Variants in PALM2AKAP2 observed in about 807,000 individuals in gnomAD.
PALM2AKAP2 encodes PALM2-AKAP2 fusion protein.
A neutral mutation model predicts 71.5 loss-of-function variants in PALM2AKAP2; 37 were observed. The ratio of observed to expected loss-of-function variants is 0.52; its 90% CI spans 0.40 to 0.68. The LOEUF is 0.68. Ranked by LOEUF, PALM2AKAP2 falls within the 30% of genes least tolerant of loss-of-function variation. The pLI is 0.00. For missense variants in PALM2AKAP2, 1,224 were observed against 1,191.8 expected (o/e 1.03, Z -0.40); for synonymous variants, 468 against 478.8 (o/e 0.98, Z 0.29).
At chr9:109,954,017 A>C (rs564183120) in intron 6 of PALM2AKAP2, among the ~76,000 whole-genome samples, 4 of 152,082 alleles carry the variant, frequency 2.6e-5, no homozygotes, top group Non-Finnish European at 5.9e-5. Context: ...GGAGGCTGGG[A>C]GGCATCTCTG....
At chr9:110,009,387 A>G (rs1832837541) in intron 6 of PALM2AKAP2, among the ~76,000 whole-genome samples, 1 of 152,114 alleles carries the variant, frequency 6.6e-6, no homozygotes, top group Non-Finnish European at 1.5e-5. Context: ...TGACGCCTTC[A>G]TTGTTTACTG....
chr9:109,694,445 T>C (rs1827939462), intron 1 of PALM2AKAP2, among the ~76,000 whole-genome samples: 2 of 152,040 alleles, frequency 1.3e-5, no homozygotes, highest in African/African-American at 4.8e-5. Context: ...CACTATAAAA[T>C]GTAATGTAAA....
intron 3 of PALM2AKAP2, among the ~76,000 whole-genome samples, chr9:109,920,870 G>A (rs570527810): frequency 3.3e-5 from 5 of 152,048 alleles, no homozygotes; most frequent in African/African-American, 1.2e-4. Context: ...GTCTACACAG[G>A]GAACCTCTAG....
chr9:109,686,612 CATTT>C lies in PALM2AKAP2; in HGVS notation c.5+45767_5+45770del, dbSNP rs34286921. ...TGCTGCCATCCAGGCTTTGTTGTTC[CATTT>C]ATTTATTTATTTATTTATTTTATTT... On this transcript the variant is annotated intron_variant, in intron 1 of 6. Coordinates refer to the PALM2AKAP2 transcript ENST00000374531. Among the ~76,000 whole-genome samples the C allele has an allele frequency of 3.6e-4, 55 of 151,636 alleles. No homozygotes were observed. In the South Asian group the frequency reaches 0.01, roughly 28 times the overall value.
Position 109,691,668 on chromosome 9 carries a change from C to A in PALM2AKAP2, c.5+50802C>A, listed in dbSNP as rs577311146. On this transcript the variant is annotated intron_variant, in intron 1 of 6. Transcript: ENST00000374531. ...AAAGACTAAATTTAGTTTCCCCCAA[C>A]CCCTCCTTCTCACAAGACTCTTCGA... 1.7e-3 allele frequency among the ~76,000 whole-genome samples: 263 copies of A among 151,176 alleles called. 3 individuals carry two copies. In the South Asian group the frequency reaches 0.032, roughly 18 times the overall value.
At chr9:110,164,729 C>T (rs1298376204) in intron 3 of PALM2AKAP2, among the ~76,000 whole-genome samples, 5 of 152,038 alleles carry the variant, frequency 3.3e-5, no homozygotes, top group African/African-American at 1.2e-4. Context: ...CAGGTTTTCA[C>T]TATGTTGGCC....
intron 1 of PALM2AKAP2, among the ~76,000 whole-genome samples, chr9:109,827,888 C>T (rs1341490999): frequency 6.6e-6 from 1 of 151,654 alleles, no homozygotes; most frequent in Non-Finnish European, 1.5e-5. Flanking sequence ...AAAAAGGTCT[C>T]TGCCTTCAAA....
At position 110,007,734 on chromosome 9, in the gene PALM2AKAP2, G is replaced by T. The variant is rs140343485; in HGVS notation, c.497-8220G>T. On this transcript the variant is annotated intron_variant, in intron 6 of 9. Coordinates refer to the PALM2AKAP2 transcript ENST00000302798. The stretch of plus-strand genomic sequence containing the variant: ...AAGGTTCACTGAAAAATCAACTCAC[G>T]AAAGGCTAATAATTGGTGGAAAGAC... 1.5e-4 allele frequency among the ~76,000 whole-genome samples: 23 copies of T among 152,246 alleles called. No individual in the cohort carries two copies. The East Asian group carries it at 4.2e-3, about 28-fold the overall frequency.
chr9:110,136,138 G>A (rs747164088), exon 2 of PALM2AKAP2: 18 of 1,578,634 alleles, frequency 1.1e-5, no homozygotes, highest in Non-Finnish European at 1.5e-5. Context: ...AGCCTCCCCA[G>A]CTTTCTGAGG....
chr9:109,880,871 AT>A (rs1477403010), intron 3 of PALM2AKAP2, among the ~76,000 whole-genome samples, 190 bp downstream of exon 3: 1 of 152,116 alleles, frequency 6.6e-6, no homozygotes, highest in Non-Finnish European at 1.5e-5. Flanking sequence ...AGTACTAATA[AT>A]TTTTTATTTT....
exon 3 of PALM2AKAP2, chr9:109,880,627 G>C (rs145553769): frequency 3.6e-5 from 58 of 1,613,886 alleles, no homozygotes; most frequent in Non-Finnish European, 4.4e-5. Context: ...GCCAGGAGGC[G>C]GCAGTCTGAA....
At chr9:109,893,507 G>T (rs1194911388) in intron 3 of PALM2AKAP2, among the ~76,000 whole-genome samples, 1 of 152,168 alleles carries the variant, frequency 6.6e-6, no homozygotes, top group Non-Finnish European at 1.5e-5. Flanking sequence ...GCATTGGTGT[G>T]ATCTTAGCTC....
intron 1 of PALM2AKAP2, among the ~76,000 whole-genome samples, chr9:109,699,311 C>T (rs906803909): frequency 3.3e-5 from 5 of 152,178 alleles, no homozygotes; most frequent in African/African-American, 1.2e-4. Context: ...TGATGCCTGT[C>T]TGGTGGACAA....
chr9:109,998,174 A>G (rs895432142), intron 6 of PALM2AKAP2, among the ~76,000 whole-genome samples: 2 of 152,200 alleles, frequency 1.3e-5, no homozygotes, highest in Admixed American at 6.5e-5. Flanking sequence ...TTTTGCCTAT[A>G]AAATGGGGTT....
At chr9:109,816,690 C>G (rs1432495773) in intron 1 of PALM2AKAP2, among the ~76,000 whole-genome samples, 1 of 152,126 alleles carries the variant, frequency 6.6e-6, no homozygotes. Flanking sequence ...TCATATAGCT[C>G]CTGTGAGCCA....
chr9:109,675,630 C>G (rs939757648), intron 1 of PALM2AKAP2, among the ~76,000 whole-genome samples: 5 of 152,156 alleles, frequency 3.3e-5, no homozygotes, highest in Admixed American at 2.0e-4. Flanking sequence ...CAGAGTTATT[C>G]AGCTGTAACA....
chr9:110,133,975 A>G (rs558054945), intron 1 of PALM2AKAP2, among the ~76,000 whole-genome samples: 15 of 152,290 alleles, frequency 9.8e-5, no homozygotes, highest in South Asian at 4.1e-4. Flanking sequence ...TCATCCAACA[A>G]AAAGTTTAGT....
At chr9:109,926,465 G>A (rs967060067) in intron 5 of PALM2AKAP2, among the ~76,000 whole-genome samples, 1 of 152,152 alleles carries the variant, frequency 6.6e-6, no homozygotes, top group Non-Finnish European at 1.5e-5. Context: ...GACCAAGTCA[G>A]GGCACTTGTT....
At chr9:109,791,698 G>A (rs1268868231) in intron 1 of PALM2AKAP2, among the ~76,000 whole-genome samples, 1 of 152,190 alleles carries the variant, frequency 6.6e-6, no homozygotes, top group Non-Finnish European at 1.5e-5. Context: ...TGACTTGGCT[G>A]AGCTTTTGGG....
Sources: allele counts gnomAD v4.1 joint callset (sites outside exome capture counted in the v4.1 genomes callset), GRCh38; gene constraint gnomAD v4.1.1; transcripts MANE v1.5; gene names NCBI Gene and HGNC (gene_info 2026-07-23, HGNC 2026-07-21).